Variants in UVRAG observed in about 807,000 individuals in gnomAD.
UVRAG encodes UV radiation resistance associated, also known as UV radiation resistance-associated gene protein.
Under a neutral mutation model 78.0 loss-of-function variants are expected in UVRAG, and 19 were observed. The ratio of observed to expected loss-of-function variants is 0.24; its 90% CI spans 0.17 to 0.36. The LOEUF is 0.36. Among genes scored for constraint, UVRAG ranks in the 10% least tolerant of loss-of-function variants. The pLI is 1.00. For synonymous variants in UVRAG, 323 were observed against 324.6 expected (o/e 1.00, Z 0.05); for missense variants, 740 against 853.8 (o/e 0.87, Z 1.66).
At chr11:75,909,552 A>G (rs553788437) in intron 5 of UVRAG, among the ~76,000 whole-genome samples, 1 of 152,208 alleles carries the variant, frequency 6.6e-6, no homozygotes, top group East Asian at 1.9e-4. Flanking sequence ...ATTAATATCA[A>G]CTTAGTTTTA....
intron 1 of UVRAG, among the ~76,000 whole-genome samples, chr11:75,823,688 C>G (rs756751760): frequency 6.6e-6 from 1 of 152,178 alleles, no homozygotes; most frequent in Non-Finnish European, 1.5e-5. Context: ...CTAGGTGTTT[C>G]CTGTTTGCCC....
chr11:76,048,019 A>G (rs1950794757), intron 12 of UVRAG, among the ~76,000 whole-genome samples: 2 of 152,258 alleles, frequency 1.3e-5, no homozygotes, highest in Admixed American at 1.3e-4. Flanking sequence ...AAGCACTTAG[A>G]AAAGCTTGAG....
intron 8 of UVRAG, among the ~76,000 whole-genome samples, chr11:76,000,177 A>G (rs1343562335): frequency 1.3e-5 from 2 of 152,250 alleles, no homozygotes; most frequent in South Asian, 2.1e-4. Context: ...TTTAATCATA[A>G]CAATGTTTAT....
At chr11:76,132,078 C>T (rs1404835909) in intron 14 of UVRAG, among the ~76,000 whole-genome samples, 1 of 152,232 alleles carries the variant, frequency 6.6e-6, no homozygotes, top group Non-Finnish European at 1.5e-5. Flanking sequence ...GCAAGCCTGT[C>T]GTTGCTCTGC....
At chr11:76,059,753 G>A (rs1243721772) in intron 12 of UVRAG, among the ~76,000 whole-genome samples, 1 of 152,206 alleles carries the variant, frequency 6.6e-6, no homozygotes, top group Non-Finnish European at 1.5e-5. Flanking sequence ...GGGTAAAGTT[G>A]AATGCCACTC....
At chr11:75,927,005 G>A (rs1298968858) in intron 6 of UVRAG, among the ~76,000 whole-genome samples, 1 of 151,602 alleles carries the variant, frequency 6.6e-6, no homozygotes, top group South Asian at 2.1e-4. Context: ...CATTGTTACC[G>A]CTGTTTTACT....
At chr11:75,859,876 A>G (rs903062337) in intron 2 of UVRAG, among the ~76,000 whole-genome samples, 1 of 152,140 alleles carries the variant, frequency 6.6e-6, no homozygotes, top group Non-Finnish European at 1.5e-5. Context: ...TTACATTGGC[A>G]TGTTCATTTT....
intron 6 of UVRAG, chr11:75,916,387 G>A (rs1275267924): frequency 2.6e-5 from 4 of 152,132 alleles, no homozygotes; most frequent in Admixed American, 2.6e-4. Context: ...ATAGTTACTG[G>A]CATATAGTAG....
chr11:75,835,807 A>G (rs1945762135), intron 1 of UVRAG, among the ~76,000 whole-genome samples: 1 of 152,100 alleles, frequency 6.6e-6, no homozygotes, highest in African/African-American at 2.4e-5. Context: ...AACATTCAAC[A>G]AATAGGCCGG....
intron 1 of UVRAG, among the ~76,000 whole-genome samples, chr11:75,818,379 A>G (rs376638652): frequency 1.8e-4 from 27 of 151,938 alleles, no homozygotes; most frequent in African/African-American, 5.6e-4. Flanking sequence ...ACAAAATTTC[A>G]AATATTTAGA....
Position 76,056,000 on chromosome 11 carries a change from TGCCCGGCCAGAAATATACAAATCTTA to T in UVRAG, c.1227-9709_1227-9684del, listed in dbSNP as rs959316170. Reference sequence around the variant, plus strand: ...CTGGGATTACAGGCGTGAGCCACTGTGCCCGGCCAGAAATATACAAATCTTAAATGAACTATTCTGAGTTCCATCAA... The same window carrying T: ...CTGGGATTACAGGCGTGAGCCACTGTAATGAACTATTCTGAGTTCCATCAA... On this transcript the variant is annotated intron_variant, in intron 12 of 14. Transcript: ENST00000356136. 7.9e-5 allele frequency among the ~76,000 whole-genome samples: 12 copies of T among 152,350 alleles called. No individual in the cohort carries two copies. In the East Asian group the frequency reaches 2.3e-3, roughly 29 times the overall value.
chr11:76,069,463 A>G (rs559802508), intron 13 of UVRAG, among the ~76,000 whole-genome samples: 2 of 152,270 alleles, frequency 1.3e-5, no homozygotes, highest in African/African-American at 2.4e-5. Context: ...ATTCAGGTGC[A>G]GTATAATTGA....
At chr11:76,007,223 G>T (rs1352596169) in intron 9 of UVRAG, among the ~76,000 whole-genome samples, 1 of 152,050 alleles carries the variant, frequency 6.6e-6, no homozygotes, top group African/African-American at 2.4e-5. Context: ...TATTGCCCAG[G>T]CTGGTCTTGA....
intron 13 of UVRAG, among the ~76,000 whole-genome samples, chr11:76,098,767 T>C (rs1951829382): frequency 6.6e-6 from 1 of 152,096 alleles, no homozygotes. Context: ...TAAAACAAAT[T>C]TATGCTGATT....
At chr11:75,979,564 G>A (rs1173304874) in intron 7 of UVRAG, 1 of 155,226 alleles carries the variant, frequency 6.4e-6, no homozygotes, top group African/African-American at 2.4e-5. Flanking sequence ...ACCTGCTCAA[G>A]CCTCAGCATT....
chr11:76,062,344 C>A (rs1951109658), intron 12 of UVRAG, among the ~76,000 whole-genome samples: 1 of 152,170 alleles, frequency 6.6e-6, no homozygotes, highest in South Asian at 2.1e-4. Context: ...CCCGCTACAT[C>A]CACTGAATAC....
At chr11:75,819,706 T>C (rs915613724) in intron 1 of UVRAG, among the ~76,000 whole-genome samples, 3 of 151,484 alleles carry the variant, frequency 2.0e-5, no homozygotes, top group African/African-American at 4.8e-5. Flanking sequence ...CGGTGGCTCA[T>C]GCCTCTAATA....
intron 3 of UVRAG, among the ~76,000 whole-genome samples, chr11:75,870,295 C>T (rs1946622381): frequency 6.6e-6 from 1 of 152,084 alleles, no homozygotes; most frequent in African/African-American, 2.4e-5. Context: ...AGAAAGAACA[C>T]CCAGGTCATC....
chr11:76,101,833 A>G (rs1230495235), intron 13 of UVRAG, among the ~76,000 whole-genome samples: 1 of 152,206 alleles, frequency 6.6e-6, no homozygotes, highest in Non-Finnish European at 1.5e-5. Flanking sequence ...TTTATTGAAT[A>G]GGGAGTCCTT....
Sources: allele counts gnomAD v4.1 joint callset (sites outside exome capture counted in the v4.1 genomes callset), GRCh38; gene constraint gnomAD v4.1.1; transcripts MANE v1.5; gene names NCBI Gene and HGNC (gene_info 2026-07-23, HGNC 2026-07-21).